The following AGBL4 variants were observed in gnomAD, a reference collection of about 807,000 sequenced individuals.
AGBL4 encodes cytosolic carboxypeptidase 6.
A neutral mutation model predicts 66.4 loss-of-function variants in AGBL4; 58 were observed. The ratio of observed to expected loss-of-function variants is 0.87; its 90% CI spans 0.71 to 1.09. AGBL4 has a LOEUF of 1.09. Among genes scored for constraint, AGBL4 ranks in the 50% least tolerant of loss-of-function variants. The probability of loss-of-function intolerance (pLI) is 0.00; values close to 1 mark genes in which losing one functional copy is unlikely to be tolerated. For missense variants in AGBL4, 579 were observed against 631.0 expected (o/e 0.92, Z 0.88); for synonymous variants, 234 against 222.9 (o/e 1.05, Z -0.44).
At chr1:49,402,362 T>C (rs991084005) in intron 3 of AGBL4, among the ~76,000 whole-genome samples, 1 of 152,218 alleles carries the variant, frequency 6.6e-6, no homozygotes, top group African/African-American at 2.4e-5. Flanking sequence ...CCCTAAGTTT[T>C]GGTATACTGT....
chr1:49,395,570 A>T (rs1417124025), intron 3 of AGBL4, among the ~76,000 whole-genome samples: 1 of 146,254 alleles, frequency 6.8e-6, no homozygotes. Context: ...GTGTGATATT[A>T]TATATATACA....
chr1:49,580,685 T>C (rs977054318), intron 3 of AGBL4, among the ~76,000 whole-genome samples: 4 of 152,210 alleles, frequency 2.6e-5, no homozygotes, highest in African/African-American at 4.8e-5. Context: ...CTGACAGTTT[T>C]TTTCTTTCAG....
chr1:49,625,061 A>T (rs984090416), intron 3 of AGBL4, among the ~76,000 whole-genome samples: 2 of 152,122 alleles, frequency 1.3e-5, no homozygotes, highest in African/African-American at 4.8e-5. Context: ...TTTTCCTTTA[A>T]GGTTCAGTCC....
At chr1:48,914,365 A>G (rs1653408084) in intron 5 of AGBL4, among the ~76,000 whole-genome samples, 1 of 152,126 alleles carries the variant, frequency 6.6e-6, no homozygotes, top group Admixed American at 6.6e-5. Flanking sequence ...TGACCAGAGA[A>G]GCTTCTGTAA....
At chr1:49,530,282 A>AAAAAAAAT (rs1558025489) in intron 3 of AGBL4, among the ~76,000 whole-genome samples, 1 of 145,416 alleles carries the variant, frequency 6.9e-6, no homozygotes, top group Non-Finnish European at 1.5e-5. Context: ...ACAAAAAAAA[A>AAAAAAAAT]CTCTATGAGT....
chr1:48,857,464 T>G (rs1333872664), intron 6 of AGBL4, among the ~76,000 whole-genome samples: 3 of 152,186 alleles, frequency 2.0e-5, no homozygotes, highest in African/African-American at 7.2e-5. Flanking sequence ...GGCTCGTGCC[T>G]GTAATCCCAG....
chr1:48,975,160 G>T (rs939922001), intron 5 of AGBL4, among the ~76,000 whole-genome samples: 5 of 152,098 alleles, frequency 3.3e-5, no homozygotes, highest in African/African-American at 1.2e-4. Flanking sequence ...GGGCATATTG[G>T]AATATCCCCT....
At chr1:48,621,950 GA>G (rs932755641) in intron 9 of AGBL4, among the ~76,000 whole-genome samples, 1 of 151,960 alleles carries the variant, frequency 6.6e-6, no homozygotes, top group African/African-American at 2.4e-5. Context: ...CTCATAGTAA[GA>G]TTTTTTTTTC....
At chr1:49,438,471 G>T (rs931387456) in intron 3 of AGBL4, among the ~76,000 whole-genome samples, 1 of 152,166 alleles carries the variant, frequency 6.6e-6, no homozygotes, top group African/African-American at 2.4e-5. Context: ...GGAAGAAAAA[G>T]CTGGTTACAA....
chr1:48,598,601 C>T (rs757542258), intron 9 of AGBL4, among the ~76,000 whole-genome samples: 38 of 151,936 alleles, frequency 2.5e-4, no homozygotes, highest in Non-Finnish European at 3.5e-4. Flanking sequence ...ACATGGGGAA[C>T]GCCTGTCTCT....
chr1:48,548,273 G>C (rs1359934466), intron 11 of AGBL4, among the ~76,000 whole-genome samples: 1 of 151,990 alleles, frequency 6.6e-6, no homozygotes, highest in Non-Finnish European at 1.5e-5. Context: ...AGAGTGCTCA[G>C]AGAGGCTTCC....
chr1:48,886,351 C>T (rs544124474), intron 5 of AGBL4, among the ~76,000 whole-genome samples: 1 of 152,212 alleles, frequency 6.6e-6, no homozygotes, highest in African/African-American at 2.4e-5. Context: ...AGACAATATG[C>T]CATGGTGAAA....
At chr1:49,834,810 T>C (rs1179047212) in intron 2 of AGBL4, among the ~76,000 whole-genome samples, 1 of 152,218 alleles carries the variant, frequency 6.6e-6, no homozygotes. Context: ...TATTTATTTC[T>C]GCCTTAATTT....
chr1:49,241,365 C>T (rs1160893076), intron 4 of AGBL4, among the ~76,000 whole-genome samples: 1 of 152,028 alleles, frequency 6.6e-6, no homozygotes, highest in Non-Finnish European at 1.5e-5. Flanking sequence ...GGCCTTTTCT[C>T]ATCAAAGATG....
At chr1:48,719,988 G>T (rs1225839514) in intron 6 of AGBL4, among the ~76,000 whole-genome samples, 4 of 152,148 alleles carry the variant, frequency 2.6e-5, no homozygotes, top group East Asian at 1.9e-4. Flanking sequence ...AGAGAAGAAG[G>T]CCTCATGACC....
chr1:49,916,198 C>G (rs1208727830), intron 1 of AGBL4, among the ~76,000 whole-genome samples: 1 of 152,316 alleles, frequency 6.6e-6, no homozygotes, highest in African/African-American at 2.4e-5. Context: ...AAAAGGAACA[C>G]AGCTCCTCGC....
intron 6 of AGBL4, among the ~76,000 whole-genome samples, chr1:48,815,372 C>T (rs1172247992): frequency 6.6e-6 from 1 of 152,010 alleles, no homozygotes; most frequent in African/African-American, 2.4e-5. Flanking sequence ...GAGTTGAATA[C>T]CAGAAATTCA....
intron 2 of AGBL4, among the ~76,000 whole-genome samples, chr1:49,761,791 G>A (rs991846804): frequency 1.3e-5 from 2 of 151,988 alleles, no homozygotes; most frequent in African/African-American, 4.8e-5. Flanking sequence ...TGAAATACTA[G>A]AGCTTATTCC....
At chr1:49,978,816 G>A (rs899010271) in intron 1 of AGBL4, among the ~76,000 whole-genome samples, 4 of 152,070 alleles carry the variant, frequency 2.6e-5, no homozygotes, top group African/African-American at 9.7e-5. Context: ...TGTATTTTGG[G>A]TGATTTTATT....
Sources: gnomAD v4.1 joint callset for allele counts (sites outside exome capture counted in the v4.1 genomes callset) on GRCh38, gnomAD v4.1.1 for gene constraint, MANE v1.5 for transcripts, NCBI Gene and HGNC (gene_info 2026-07-23, HGNC 2026-07-21) for gene names.